The following TDRD3 variants were observed in gnomAD, a reference collection of about 807,000 sequenced individuals.
TDRD3 encodes tudor domain-containing protein 3.
Under a neutral mutation model 86.7 loss-of-function variants are expected in TDRD3, and 45 were observed. That is an observed-to-expected ratio of 0.52 (90% CI 0.41 to 0.67). The LOEUF is 0.67. Ranked by LOEUF, TDRD3 falls within the 30% of genes least tolerant of loss-of-function variation. The pLI is 0.00. For synonymous variants in TDRD3, 298 were observed against 301.7 expected, an observed-to-expected ratio of 0.99 and a Z score of 0.13; for missense variants, 814 against 889.0, an observed-to-expected ratio of 0.92 and a Z score of 1.07.
intron 7 of TDRD3, among the ~76,000 whole-genome samples, chr13:60,487,626 G>A (rs1327934656): frequency 6.6e-6 from 1 of 152,112 alleles, no homozygotes; most frequent in African/African-American, 2.4e-5. Context: ...AATCCCTCAC[G>A]GATACCAAAG....
chr13:60,526,648 T>C (rs1361883771), intron 10 of TDRD3, among the ~76,000 whole-genome samples: 1 of 151,856 alleles, frequency 6.6e-6, no homozygotes, highest in African/African-American at 2.4e-5. Flanking sequence ...ATCTCTCTTA[T>C]GGCCTTGGCT....
intron 3 of TDRD3, among the ~76,000 whole-genome samples, chr13:60,448,430 C>T (rs1594945107): frequency 6.6e-6 from 1 of 152,072 alleles, no homozygotes; most frequent in Non-Finnish European, 1.5e-5. Context: ...TAGTTTTGCT[C>T]AGGTTCTTTT....
At chr13:60,455,558 C>G (rs1256793827) in intron 3 of TDRD3, among the ~76,000 whole-genome samples, 1 of 152,134 alleles carries the variant, frequency 6.6e-6, no homozygotes, top group African/African-American at 2.4e-5. Context: ...TGAATTAAGA[C>G]TTTAAGTAGA....
chr13:60,461,980 A>G (rs998561517), intron 4 of TDRD3, among the ~76,000 whole-genome samples: 2 of 152,110 alleles, frequency 1.3e-5, no homozygotes, highest in African/African-American at 4.8e-5. Flanking sequence ...GCCTTGTATG[A>G]CCTTTTCAGT....
At chr13:60,500,573 G>A (rs1421256221) in intron 8 of TDRD3, among the ~76,000 whole-genome samples, 3 of 152,150 alleles carry the variant, frequency 2.0e-5, no homozygotes, top group Admixed American at 6.5e-5. Context: ...GCAGTGAAGG[G>A]TAATCTTCCC....
chr13:60,451,680 G>A (rs970236038), intron 3 of TDRD3, among the ~76,000 whole-genome samples: 1 of 152,112 alleles, frequency 6.6e-6, no homozygotes, highest in Non-Finnish European at 1.5e-5. Flanking sequence ...AACTTTACAA[G>A]ATAATGCCAA....
At chr13:60,518,439 T>A (rs1195744901) in intron 10 of TDRD3, among the ~76,000 whole-genome samples, 3 of 152,172 alleles carry the variant, frequency 2.0e-5, no homozygotes, top group Non-Finnish European at 4.4e-5. Context: ...TTTATGCCAC[T>A]AAGTTTGAGT....
chr13:60,556,874 C>T (rs2137931119), intron 12 of TDRD3, among the ~76,000 whole-genome samples: 1 of 152,138 alleles, frequency 6.6e-6, no homozygotes, highest in South Asian at 2.1e-4. Context: ...TAATATCTTT[C>T]ATATAGCAAA....
intron 12 of TDRD3, among the ~76,000 whole-genome samples, chr13:60,564,867 A>G (rs1958413579): frequency 6.6e-6 from 1 of 152,128 alleles, no homozygotes; most frequent in Non-Finnish European, 1.5e-5. Context: ...TGTTAAATAA[A>G]GAGGAAAGAA....
At chr13:60,488,066 A>T (rs1250953118) in intron 7 of TDRD3, among the ~76,000 whole-genome samples, 1 of 152,202 alleles carries the variant, frequency 6.6e-6, no homozygotes, top group Non-Finnish European at 1.5e-5. Flanking sequence ...CTCACTGCAC[A>T]GTAAGCCAAT....
intron 12 of TDRD3, among the ~76,000 whole-genome samples, chr13:60,549,135 G>A (rs1566295685): frequency 6.6e-6 from 1 of 152,052 alleles, no homozygotes; most frequent in South Asian, 2.1e-4. Context: ...AGGTAGTGGT[G>A]GTTTTAGAGT....
intron 8 of TDRD3, among the ~76,000 whole-genome samples, chr13:60,503,590 T>C (rs1956878055): frequency 6.6e-6 from 1 of 152,208 alleles, no homozygotes; most frequent in African/African-American, 2.4e-5. Context: ...GTTTATCTCT[T>C]CTCTGGATGT....
chr13:60,526,482 C>T (rs188160857), intron 10 of TDRD3, among the ~76,000 whole-genome samples: 2 of 152,080 alleles, frequency 1.3e-5, no homozygotes, highest in Non-Finnish European at 1.5e-5. Flanking sequence ...ATCTTTACTC[C>T]TGGGCAGTAA....
At chr13:60,545,153 T>C (rs1250664958) in intron 12 of TDRD3, among the ~76,000 whole-genome samples, 2 of 152,134 alleles carry the variant, frequency 1.3e-5, no homozygotes, top group East Asian at 3.8e-4. Flanking sequence ...AGAAGGTATG[T>C]TTTCTTCCCT....
rs541127645 is a variant in TDRD3 at position 60,525,616 on chromosome 13, A to G, written c.1142-2751A>G. 2.1e-3 allele frequency among the ~76,000 whole-genome samples: 319 copies of G among 152,362 alleles called. 3 individuals are homozygous for G. The highest frequency in any genetic ancestry group is 7.2e-3 in the African/African-American group (301 of 41,596). On this transcript the variant is annotated intron_variant, in intron 10 of 13. Transcript: ENST00000377881. ...TGTAGTCTAATGTACATCATCATCA[A>G]TTCAGTAACTGAAAATAATATTTTA... is the stretch of plus-strand genomic sequence containing the variant.
At chr13:60,502,006 A>C (rs563299427) in intron 8 of TDRD3, among the ~76,000 whole-genome samples, 7 of 152,190 alleles carry the variant, frequency 4.6e-5, no homozygotes, top group Non-Finnish European at 8.8e-5. Context: ...AACGTGTATA[A>C]CCCTACTGCA....
intron 5 of TDRD3, 114 bp from the exon 6 acceptor site, chr13:60,483,661 T>A: frequency 1.1e-6 from 1 of 907,044 alleles, no homozygotes; most frequent in Non-Finnish European, 1.6e-6. Flanking sequence ...GGCCTTTTTT[T>A]TTCCTATTTC....
At chr13:60,454,139 GT>G (rs140499945) in intron 3 of TDRD3, among the ~76,000 whole-genome samples, 17,082 of 152,094 alleles carry the variant, frequency 0.11, 1,294 homozygotes, top group African/African-American at 0.21. Context: ...TATTAGGTTT[GT>G]TTTGGTTACG....
intron 4 of TDRD3, among the ~76,000 whole-genome samples, chr13:60,461,647 T>G (rs1232494367): frequency 1.3e-5 from 2 of 152,198 alleles, no homozygotes; most frequent in African/African-American, 2.4e-5. Flanking sequence ...TTCCAGCCCT[T>G]TAATCCAGTG....
Sources: allele counts gnomAD v4.1 joint callset (sites outside exome capture counted in the v4.1 genomes callset), GRCh38; gene constraint gnomAD v4.1.1; transcripts MANE v1.5; gene names NCBI Gene and HGNC (gene_info 2026-07-23, HGNC 2026-07-21).